TRPM3: variants seen among roughly 807,000 people sequenced by gnomAD.
TRPM3 encodes the protein long transient receptor potential channel 3.
TRPM3 carries 77 observed loss-of-function variants against 181.2 expected under a neutral mutation model. The ratio of observed to expected loss-of-function variants is 0.42; its 90% confidence interval spans 0.35 to 0.51. The LOEUF is 0.51. Ranked by LOEUF, TRPM3 falls within the 20% of genes least tolerant of loss-of-function variation. The pLI is 0.01. For missense variants in TRPM3, 1,759 were observed against 2,196.7 expected (o/e 0.80, Z 3.98); for synonymous variants, 745 against 796.4 (o/e 0.94, Z 1.09).
In TRPM3 at chr9:71,332,517, T is replaced by A. The variant is rs192638036; in HGVS notation, c.183+114136A>T. 2.0e-5 allele frequency among the ~76,000 whole-genome samples: 3 copies of A among 151,304 alleles called. No individual in the cohort carries two copies. In the East Asian group the frequency reaches 5.8e-4, roughly 29 times the overall value. On this transcript the variant is annotated intron_variant, in intron 1 of 24. Transcript: ENST00000357533. Reference sequence around the variant, plus strand: ...ATAAACTCAGTTTTAAAAATGTATTTATTACAAAGCCAGTCATAAGAATGC... The same window carrying A: ...ATAAACTCAGTTTTAAAAATGTATTAATTACAAAGCCAGTCATAAGAATGC...
At chr9:70,537,664 C>T (rs1355147557) in intron 25 of TRPM3, among the ~76,000 whole-genome samples, 1 of 152,008 alleles carries the variant, frequency 6.6e-6, no homozygotes, top group Non-Finnish European at 1.5e-5. Context: ...GCTATCAATC[C>T]CCTTTTCCCT....
chr9:70,975,572 A>G (rs1160815342), intron 1 of TRPM3, among the ~76,000 whole-genome samples: 1 of 152,232 alleles, frequency 6.6e-6, no homozygotes, highest in Admixed American at 6.5e-5. Context: ...GATAAAATCC[A>G]TGCAAGCCCT....
intron 1 of TRPM3, among the ~76,000 whole-genome samples, chr9:71,296,232 G>A (rs1410233884): frequency 1.3e-5 from 2 of 152,082 alleles, no homozygotes; most frequent in African/African-American, 4.8e-5. Context: ...ACATTGAAAT[G>A]AAAATAAGAG....
At chr9:70,564,520 A>G (rs986466807) in intron 22 of TRPM3, among the ~76,000 whole-genome samples, 1 of 152,132 alleles carries the variant, frequency 6.6e-6, no homozygotes, top group African/African-American at 2.4e-5. Context: ...TTTAAAATGG[A>G]ATTGTATTAC....
At chr9:71,108,677 A>G (rs897500967) in intron 1 of TRPM3, among the ~76,000 whole-genome samples, 1 of 152,200 alleles carries the variant, frequency 6.6e-6, no homozygotes, top group African/African-American at 2.4e-5. Context: ...TATAAAGTAG[A>G]TGGGCCAAGA....
At chr9:70,793,388 C>A (rs1296996808) in intron 6 of TRPM3, among the ~76,000 whole-genome samples, 1 of 147,148 alleles carries the variant, frequency 6.8e-6, no homozygotes, top group Non-Finnish European at 1.5e-5. Context: ...CCTGGGAAGT[C>A]GAGGCTGCAG....
At chr9:70,634,654 C>T (rs536628919) in intron 12 of TRPM3, among the ~76,000 whole-genome samples, 19 of 152,190 alleles carry the variant, frequency 1.2e-4, no homozygotes, top group African/African-American at 3.4e-4. Context: ...TAATTCTACC[C>T]GATCCATACC....
chr9:71,393,807 T>C (rs1478419824), intron 1 of TRPM3, among the ~76,000 whole-genome samples: 7 of 152,308 alleles, frequency 4.6e-5, no homozygotes, highest in Non-Finnish European at 1.0e-4. Flanking sequence ...ACTCAGATCA[T>C]TAAGTTCCAC....
intron 1 of TRPM3, among the ~76,000 whole-genome samples, chr9:71,142,504 G>A (rs995644404): frequency 4.6e-5 from 7 of 151,836 alleles, no homozygotes; most frequent in African/African-American, 7.2e-5. Flanking sequence ...ATATACACAC[G>A]TATATACACA....
chr9:71,022,875 G>A (rs1211278511), intron 1 of TRPM3, among the ~76,000 whole-genome samples: 4 of 151,998 alleles, frequency 2.6e-5, no homozygotes, highest in African/African-American at 4.8e-5. Context: ...AGATATATAT[G>A]TAAAATTTAA....
At chr9:71,159,940 T>C (rs1329771) in intron 1 of TRPM3, among the ~76,000 whole-genome samples, 58,857 of 151,886 alleles carry the variant, frequency 0.39, 11,974 homozygotes, top group Middle Eastern at 0.59. Context: ...TTTGGAGAAA[T>C]TGTTGGCAGA....
intron 1 of TRPM3, among the ~76,000 whole-genome samples, chr9:71,314,161 A>G (rs909377987): frequency 2.6e-5 from 4 of 152,090 alleles, no homozygotes; most frequent in South Asian, 2.1e-4. Flanking sequence ...ATGCCTCCCT[A>G]TATTTCAAAC....
At chr9:71,129,027 T>C (rs1385888793) in intron 1 of TRPM3, among the ~76,000 whole-genome samples, 2 of 152,218 alleles carry the variant, frequency 1.3e-5, no homozygotes, top group African/African-American at 4.8e-5. Context: ...AGACATACTG[T>C]GATCTGGAAG....
chr9:70,930,959 A>G (rs1157512165), intron 1 of TRPM3, among the ~76,000 whole-genome samples: 1 of 152,138 alleles, frequency 6.6e-6, no homozygotes, highest in African/African-American at 2.4e-5. Flanking sequence ...AAATTAGAAA[A>G]TGAGACCTCC....
intron 1 of TRPM3, among the ~76,000 whole-genome samples, chr9:71,127,405 T>C (rs1275604767): frequency 6.6e-6 from 1 of 151,996 alleles, no homozygotes; most frequent in Non-Finnish European, 1.5e-5. Flanking sequence ...GGAAAGCTCA[T>C]GCTTGTTTCA....
chr9:71,166,235 T>C (rs2076534927), intron 1 of TRPM3, among the ~76,000 whole-genome samples: 1 of 151,992 alleles, frequency 6.6e-6, no homozygotes, highest in Non-Finnish European at 1.5e-5. Flanking sequence ...AGTCACCAAA[T>C]GGAGGATGAA....
intron 5 of TRPM3, among the ~76,000 whole-genome samples, chr9:70,835,614 A>C (rs1177490743): frequency 2.6e-5 from 4 of 151,904 alleles, no homozygotes; most frequent in East Asian, 3.9e-4. Context: ...CAGGTGATCC[A>C]ATTCCTGCTC....
chr9:70,979,169 C>A (rs1418668338), intron 1 of TRPM3, among the ~76,000 whole-genome samples: 4 of 152,132 alleles, frequency 2.6e-5, no homozygotes, highest in Non-Finnish European at 4.4e-5. Context: ...CTTTTCCAGC[C>A]CATACCTTTT....
chr9:71,018,298 T>G (rs1369930965), intron 1 of TRPM3, among the ~76,000 whole-genome samples: 1 of 147,934 alleles, frequency 6.8e-6, no homozygotes, highest in African/African-American at 2.5e-5. Context: ...TAAATCAAAA[T>G]AAAAAAGAAA....
Sources: gnomAD v4.1 joint callset for allele counts (sites outside exome capture counted in the v4.1 genomes callset) on GRCh38, gnomAD v4.1.1 for gene constraint, MANE v1.5 for transcripts, NCBI Gene and HGNC (gene_info 2026-07-23, HGNC 2026-07-21) for gene names.